NTM: variants seen among roughly 807,000 people sequenced by gnomAD.
NTM encodes neurotrimin.
Under a neutral mutation model 42.1 loss-of-function variants are expected in NTM, and 13 were observed. That is an observed-to-expected ratio of 0.31 (90% CI 0.20 to 0.49). The LOEUF (loss-of-function observed/expected upper bound fraction) is 0.49, where lower values mean the gene tolerates loss of function less well. Ranked by LOEUF, NTM falls within the 20% of genes least tolerant of loss-of-function variation. NTM has a pLI of 0.99. For synonymous variants in NTM, 187 were observed against 179.2 expected (o/e 1.04, Z -0.35); for missense variants, 373 against 452.8 (o/e 0.82, Z 1.60).
intron 2 of NTM, among the ~76,000 whole-genome samples, chr11:132,116,155 C>G (rs1252943118): frequency 6.6e-6 from 1 of 152,172 alleles, no homozygotes; most frequent in South Asian, 2.1e-4. Context: ...GCTGAGAAGC[C>G]TACCAGGAGA....
At position 131,676,702 on chromosome 11, in the gene NTM, G is replaced by A. The variant is rs116179504; in HGVS notation, c.83-234862G>A. On this transcript the variant is annotated intron_variant, in intron 1 of 8. Transcript: ENST00000683400. Reference sequence around the variant, plus strand: ...AGTCTGCCTGGTGCACTTTTTCTTCGTTGAAAATTTTAAACCTTCAAAAAT... The same window carrying A: ...AGTCTGCCTGGTGCACTTTTTCTTCATTGAAAATTTTAAACCTTCAAAAAT... Among the ~76,000 whole-genome samples, 811 of 152,182 alleles carry A rather than the reference G, an allele frequency of 5.3e-3. 8 individuals are homozygous for A. The highest frequency in any genetic ancestry group is 0.019 in the African/African-American group (777 of 41,440).
intron 4 of NTM, among the ~76,000 whole-genome samples, chr11:132,219,413 T>G (rs1450670000): frequency 6.6e-6 from 1 of 152,158 alleles, no homozygotes; most frequent in Non-Finnish European, 1.5e-5. Context: ...CCAGATGTTT[T>G]GGGGTCTTGT....
intron 2 of NTM, among the ~76,000 whole-genome samples, chr11:132,052,305 TG>T (rs1362781508): frequency 5.9e-5 from 9 of 152,334 alleles, no homozygotes; most frequent in African/African-American, 2.2e-4. Context: ...CTCCTTTTTA[TG>T]TTCTTGGACA....
chr11:131,861,913 G>A (rs1015328245), intron 1 of NTM, among the ~76,000 whole-genome samples: 1 of 152,086 alleles, frequency 6.6e-6, no homozygotes, highest in Admixed American at 6.6e-5. Context: ...AATGCACGTG[G>A]GTCTGGTCAG....
chr11:131,639,379 A>G (rs950055641), intron 1 of NTM, among the ~76,000 whole-genome samples: 4 of 152,176 alleles, frequency 2.6e-5, no homozygotes, highest in South Asian at 2.1e-4. Context: ...GAAAATGGCA[A>G]TTTCTCAGAT....
chr11:132,314,524 C>T (rs1277674477), intron 6 of NTM, 28 bp from the exon 7 acceptor site: 1 of 1,594,034 alleles, frequency 6.3e-7, no homozygotes, highest in Non-Finnish European at 8.5e-7. Flanking sequence ...ATCTTGTTTT[C>T]TTCTTTTTTG....
intron 3 of NTM, among the ~76,000 whole-genome samples, chr11:132,198,240 A>G (rs2080592577): frequency 6.6e-6 from 1 of 151,948 alleles, no homozygotes; most frequent in African/African-American, 2.4e-5. Flanking sequence ...AGGTCTTTCC[A>G]TGATGCCCTT....
intron 2 of NTM, among the ~76,000 whole-genome samples, chr11:132,058,588 A>G (rs1416785384): frequency 6.6e-6 from 1 of 152,076 alleles, no homozygotes; most frequent in East Asian, 1.9e-4. Context: ...TCTGCTTGCT[A>G]TCTTTCAGGG....
At chr11:131,620,166 A>G (rs2062379087) in intron 1 of NTM, among the ~76,000 whole-genome samples, 1 of 152,248 alleles carries the variant, frequency 6.6e-6, no homozygotes, top group Non-Finnish European at 1.5e-5. Context: ...CTACGAGACT[A>G]TATCCAAGAG....
chr11:132,157,006 G>A (rs1049554479), intron 3 of NTM, among the ~76,000 whole-genome samples: 6 of 152,218 alleles, frequency 3.9e-5, no homozygotes, highest in East Asian at 1.9e-4. Context: ...CATAGCCAGC[G>A]GAAGCTGGGA....
chr11:132,011,699 C>G (rs58290314), intron 2 of NTM, among the ~76,000 whole-genome samples: 1,927 of 152,250 alleles, frequency 0.013, 49 homozygotes, highest in African/African-American at 0.044. Context: ...CTAGGTCACA[C>G]AGCTAAGTGA....
At chr11:132,084,451 A>C (rs574473493) in intron 2 of NTM, among the ~76,000 whole-genome samples, 1 of 152,262 alleles carries the variant, frequency 6.6e-6, no homozygotes, top group Admixed American at 6.5e-5. Flanking sequence ...TATGTACCTA[A>C]ACATGTCAGA....
At chr11:132,152,029 G>T (rs143303186) in intron 3 of NTM, among the ~76,000 whole-genome samples, 2 of 152,100 alleles carry the variant, frequency 1.3e-5, no homozygotes, top group Non-Finnish European at 2.9e-5. Context: ...TCAAGCAAAA[G>T]CTCATTATTA....
At chr11:131,390,199 G>A (rs916994342) in intron 1 of NTM, among the ~76,000 whole-genome samples, 1 of 152,188 alleles carries the variant, frequency 6.6e-6, no homozygotes, top group African/African-American at 2.4e-5. Flanking sequence ...CATGGTAAAA[G>A]AGGGAGTAAG....
intron 2 of NTM, among the ~76,000 whole-genome samples, chr11:131,947,285 A>G (rs952658887): frequency 2.6e-5 from 4 of 152,096 alleles, no homozygotes; most frequent in Non-Finnish European, 5.9e-5. Flanking sequence ...CGTACCTGGT[A>G]TTGAGGGACT....
intron 1 of NTM, among the ~76,000 whole-genome samples, chr11:131,891,209 A>G (rs1029399191): frequency 6.6e-6 from 1 of 152,190 alleles, no homozygotes; most frequent in Non-Finnish European, 1.5e-5. Flanking sequence ...AGTGTGTTCA[A>G]TGTGCTATAG....
rs143767975 is a variant in NTM, at chr11:131,797,302, T to C, written c.83-114262T>C. 3.6e-4 allele frequency among the ~76,000 whole-genome samples: 55 copies of C among 152,312 alleles called. No individual in the cohort carries two copies. In the East Asian group the frequency reaches 8.9e-3, roughly 25 times the overall value. On this transcript the variant is annotated intron_variant, in intron 1 of 8. Transcript: ENST00000683400. ...GCTCCACATCTCCATCCACACATTG[T>C]TATAGAACATTTGCTCTAGGTGGGA...
intron 2 of NTM, among the ~76,000 whole-genome samples, chr11:132,073,750 T>G (rs991882304): frequency 6.6e-6 from 1 of 152,224 alleles, no homozygotes; most frequent in Non-Finnish European, 1.5e-5. Flanking sequence ...GAGTAAATCC[T>G]GTCGCTAAAG....
intron 1 of NTM, among the ~76,000 whole-genome samples, chr11:131,714,356 T>A (rs2077472870): frequency 6.6e-6 from 1 of 151,930 alleles, no homozygotes; most frequent in Admixed American, 6.6e-5. Context: ...GCCTGGCTAA[T>A]TTTTTTGTAT....
Sources: allele counts gnomAD v4.1 joint callset (sites outside exome capture counted in the v4.1 genomes callset), GRCh38; gene constraint gnomAD v4.1.1; transcripts MANE v1.5; gene names NCBI Gene and HGNC (gene_info 2026-07-23, HGNC 2026-07-21).